Variants in TACC2 observed in about 807,000 individuals in gnomAD.
TACC2 encodes the protein transforming acidic coiled-coil-containing protein 2.
A neutral mutation model predicts 227.3 loss-of-function variants in TACC2; 137 were observed. That is an observed-to-expected ratio of 0.60 (90% CI 0.52 to 0.69). TACC2 has a LOEUF of 0.69. TACC2 is among the 30% of genes least tolerant of loss of function. The pLI is 0.00. For missense variants in TACC2, 3,470 were observed against 3,694.4 expected (o/e 0.94, Z 1.57); for synonymous variants, 1,523 against 1,487.5 (o/e 1.02, Z -0.55).
chr10:122,064,953 C>A (rs1367401450), intron 3 of TACC2, among the ~76,000 whole-genome samples: 1 of 152,108 alleles, frequency 6.6e-6, no homozygotes, highest in South Asian at 2.1e-4. Flanking sequence ...ATACCCCTGC[C>A]CAAGAGTAAC....
intron 5 of TACC2, among the ~76,000 whole-genome samples, chr10:122,100,286 T>G (rs1400125365): frequency 1.3e-5 from 2 of 151,340 alleles, no homozygotes; most frequent in East Asian, 1.9e-4. Context: ...AAAGAAACTC[T>G]CTTTGCATTC....
intron 5 of TACC2, among the ~76,000 whole-genome samples, chr10:122,105,643 G>A (rs1008180703): frequency 1.3e-5 from 2 of 148,552 alleles, no homozygotes; most frequent in African/African-American, 2.5e-5. Context: ...TTTTTGAGAT[G>A]GAGTCTTGCT....
chr10:122,015,466 C>T (rs1260633750), intron 1 of TACC2, among the ~76,000 whole-genome samples: 1 of 151,302 alleles, frequency 6.6e-6, no homozygotes, highest in Non-Finnish European at 1.5e-5. Context: ...GATCGTGCCA[C>T]TGCACTCCAG....
In TACC2 at chr10:122,194,177, G is replaced by A. The variant is rs555934265; in HGVS notation, c.5835-863G>A. Among the ~76,000 whole-genome samples, 8 of 152,306 alleles carry A rather than the reference G, an allele frequency of 5.3e-5. No individual in the cohort carries two copies. The South Asian group carries it at 1.7e-3, about 32-fold the overall frequency. ...GACATCAAGCGATCCTCCCACCTGAGTCTCCCAAAGCGCTGGGATTAGAGG... is the reference window on the plus strand; with the variant it reads ...GACATCAAGCGATCCTCCCACCTGAATCTCCCAAAGCGCTGGGATTAGAGG... On this transcript the variant is annotated intron_variant, in intron 7 of 22. Coordinates refer to ENST00000369005, the MANE Select transcript of TACC2 (RefSeq NM_206862.4). This position sits in a 1 kb window ranked among gnomAD's most constrained non-coding sequence, Gnocchi z 4.4.
chr10:122,214,857 C>G (rs949416225), intron 9 of TACC2, among the ~76,000 whole-genome samples: 1 of 152,146 alleles, frequency 6.6e-6, no homozygotes, highest in Non-Finnish European at 1.5e-5. Context: ...GCCTTCAGAG[C>G]ATGGGAATCC....
intron 16 of TACC2, among the ~76,000 whole-genome samples, chr10:122,232,735 C>T (rs1282227122): frequency 6.6e-6 from 1 of 152,160 alleles, no homozygotes; most frequent in Non-Finnish European, 1.5e-5. Flanking sequence ...ACGGGCCTGA[C>T]CTCAAGTTGG....
At chr10:122,187,582 C>G (rs1303780279) in intron 7 of TACC2, among the ~76,000 whole-genome samples, 3 of 152,020 alleles carry the variant, frequency 2.0e-5, no homozygotes, top group African/African-American at 7.3e-5. Context: ...TCTCTGCCTC[C>G]CAGGTTCAAG....
At chr10:122,175,649 G>C (rs2093661464) in intron 7 of TACC2, among the ~76,000 whole-genome samples, 2 of 152,224 alleles carry the variant, frequency 1.3e-5, no homozygotes, top group African/African-American at 4.8e-5. Flanking sequence ...TGAGAGGAAA[G>C]GAACCGAAGG....
chr10:122,067,398 C>G (rs1485352240), intron 3 of TACC2, among the ~76,000 whole-genome samples: 1 of 151,810 alleles, frequency 6.6e-6, no homozygotes, highest in African/African-American at 2.4e-5. Flanking sequence ...AAAATTCTTA[C>G]CTTTGTTCTT....
At chr10:122,027,478 C>T (rs1958185202) in intron 2 of TACC2, among the ~76,000 whole-genome samples, 1 of 152,030 alleles carries the variant, frequency 6.6e-6, no homozygotes, top group African/African-American at 2.4e-5. Flanking sequence ...TTTCTAACAA[C>T]ATTTGTTAGA....
intron 3 of TACC2, among the ~76,000 whole-genome samples, chr10:122,070,765 A>G (rs1464532977): frequency 6.6e-6 from 1 of 151,090 alleles, no homozygotes; most frequent in Non-Finnish European, 1.5e-5. Flanking sequence ...AAAAAAAAAA[A>G]AAAAAAGAAA....
Position 122,248,982 on chromosome 10 carries a change from G to A in TACC2, c.8554-68G>A. 3 of 1,521,934 alleles carry A rather than the reference G, an allele frequency of 2.0e-6. No homozygotes were observed. The South Asian group carries it at 3.5e-5, about 18-fold the overall frequency. 94.3% of individuals were successfully genotyped at this position (1,521,934 alleles called of 1,614,324 possible). On this transcript the variant is annotated intron_variant, in intron 20 of 22. Transcript: ENST00000369005. Reference sequence around the variant, plus strand: ...TTACACCTGCATCCGAGAGTTCCTGGGGTTCCCACCAGTGCTGGGCATTTG... The same window carrying A: ...TTACACCTGCATCCGAGAGTTCCTGAGGTTCCCACCAGTGCTGGGCATTTG...
chr10:122,076,940 C>T (rs1478739875), intron 3 of TACC2, among the ~76,000 whole-genome samples: 1 of 151,868 alleles, frequency 6.6e-6, no homozygotes, highest in Non-Finnish European at 1.5e-5. Context: ...CATAACAAAA[C>T]CCTATCTCTA....
intron 2 of TACC2, 137 bp downstream of exon 2, chr10:122,022,151 A>G: frequency 1.3e-6 from 1 of 763,108 alleles, no homozygotes. Flanking sequence ...GCGGGCATTT[A>G]TGGATCTATG....
intron 8 of TACC2, among the ~76,000 whole-genome samples, chr10:122,198,384 C>T (rs11819430): frequency 0.023 from 3,483 of 152,298 alleles, 113 homozygotes; most frequent in African/African-American, 0.079. Context: ...GCTCCGGCCT[C>T]CCGAGGTCCT....
In TACC2 at chr10:122,195,040, G is replaced by C. The variant is rs1267804748; in HGVS notation, c.5835G>C (p.Arg1945Ser). 1.6e-5 allele frequency: 25 copies of C among 1,610,606 alleles called. No homozygotes were observed. The highest frequency in any genetic ancestry group is 2.1e-5 in the Non-Finnish European group (25 of 1,178,000). ...CCTGTGCTTCTCCCTCTCTCATCAG[G>C]AGTTCCGATTCTGAAGAGGCATTTG... ...SCPDPAKDLS[R>S]SSDSEEAFET... Residue 1945 changes from arginine (R) to serine (S), a missense_variant and splice_region_variant, in exon 8 of 23, where the codon AGG (arginine) becomes AGC (serine). By Grantham distance (110) the Arg-to-Ser change is moderately radical. Coordinates refer to ENST00000369005, the MANE Select transcript of TACC2 (RefSeq NM_206862.4).
chr10:122,078,755 T>C (rs1331055458), intron 3 of TACC2, among the ~76,000 whole-genome samples: 1 of 152,268 alleles, frequency 6.6e-6, no homozygotes, highest in Non-Finnish European at 1.5e-5. Flanking sequence ...GCAGATCTGC[T>C]CCTGGTGAGC....
Position 122,086,279 on chromosome 10 carries a change from AC to A in TACC2, c.3783del (p.Arg1262GlufsTer10). The A allele has an allele frequency of 6.2e-7, 1 of 1,613,896 alleles. No homozygotes were observed. The highest frequency in any genetic ancestry group is 1.1e-5 in the South Asian group (1 of 91,082). ...DSGVKAVSSA[D>X]PRAPGESPCP... ...GGAGTGAAAGCTGTTTCCTCTGCAG[AC>A]CCCAGAGCTCCTGGCGAAAGCCCCT... On this transcript the variant is annotated frameshift_variant, in exon 4 of 23. Transcript: ENST00000369005. LOFTEE classifies it high-confidence loss of function.
chr10:122,044,799 G>C (rs1453765911), intron 2 of TACC2, among the ~76,000 whole-genome samples: 2 of 151,834 alleles, frequency 1.3e-5, no homozygotes, highest in African/African-American at 4.8e-5. Context: ...AGGCTCTGGA[G>C]TGTTCCAGAG....
Sources: allele counts gnomAD v4.1 joint callset (sites outside exome capture counted in the v4.1 genomes callset), GRCh38; gene constraint gnomAD v4.1.1; non-coding constraint Gnocchi (gnomAD v3.1); transcripts MANE v1.5; gene names NCBI Gene and HGNC (gene_info 2026-07-23, HGNC 2026-07-21).